The following SEPTIN11 variants were observed in gnomAD, a reference collection of about 807,000 sequenced individuals.
SEPTIN11 encodes septin 11, also known as septin-11.
A neutral mutation model predicts 51.4 loss-of-function variants in SEPTIN11; 25 were observed. The ratio of observed to expected loss-of-function variants is 0.49; its 90% CI spans 0.35 to 0.68. SEPTIN11 has a LOEUF of 0.68. SEPTIN11 is among the 30% of genes least tolerant of loss of function. SEPTIN11 has a pLI of 0.00. For synonymous variants in SEPTIN11, 174 were observed against 184.1 expected (o/e 0.95, Z 0.44); for missense variants, 381 against 520.8 (o/e 0.73, Z 2.61).
rs1156752921 is a variant in SEPTIN11 at position 76,984,283 on chromosome 4, G to C, written c.28-12142G>C. Among the ~76,000 whole-genome samples the C allele has an allele frequency of 6.6e-6, 1 of 151,990 alleles. No homozygotes were observed. The highest frequency in any genetic ancestry group is 1.5e-5 in the Non-Finnish European group (1 of 67,998). On this transcript the variant is annotated intron_variant, in intron 1 of 9. Coordinates refer to ENST00000264893, the MANE Select transcript of SEPTIN11 (RefSeq NM_018243.4). This position sits in a 1 kb window ranked among gnomAD's most constrained non-coding sequence, Gnocchi z 4.1. Reference sequence around the variant, plus strand: ...GGTTGTGACTAGGGGAAACAGCCCTGGTGCTTTTGTTCATGACTTGCTTGG... The same window carrying C: ...GGTTGTGACTAGGGGAAACAGCCCTCGTGCTTTTGTTCATGACTTGCTTGG...
At chr4:77,030,138 C>T (rs1164819144) in intron 8 of SEPTIN11, among the ~76,000 whole-genome samples, 1 of 152,004 alleles carries the variant, frequency 6.6e-6, no homozygotes, top group Non-Finnish European at 1.5e-5. Context: ...TGCCCATAAT[C>T]CCAGCTACTC....
At chr4:77,023,372 TATATAATATATACAC>T (rs945349796) in intron 7 of SEPTIN11, among the ~76,000 whole-genome samples, 2 of 147,574 alleles carry the variant, frequency 1.4e-5, no homozygotes, top group Non-Finnish European at 3.0e-5. Context: ...TATATAATAA[TATATAATATATACAC>T]ATATAATATA....
At chr4:76,951,311 A>T (rs576202081) in intron 1 of SEPTIN11, among the ~76,000 whole-genome samples, 17 of 152,368 alleles carry the variant, frequency 1.1e-4, no homozygotes, top group Admixed American at 3.3e-4. Context: ...CAGCGGTCAT[A>T]TCGAATCATG....
intron 1 of SEPTIN11, among the ~76,000 whole-genome samples, chr4:76,990,143 T>G (rs925921577): frequency 9.9e-5 from 15 of 152,166 alleles, no homozygotes; most frequent in Non-Finnish European, 2.2e-4. Context: ...CAGAGTGCCC[T>G]TTTTTCAATC....
rs547380193 is a variant in SEPTIN11, at chr4:77,027,010, A to G, written c.954-1619A>G. Among the ~76,000 whole-genome samples the G allele has an allele frequency of 6.2e-4, 94 of 152,358 alleles. 1 individual carries two copies. Among genetic ancestry groups the G allele is most frequent in the African/African-American group, 2.3e-3 (94 of 41,584 alleles). On this transcript the variant is annotated intron_variant, in intron 7 of 9. Transcript: ENST00000264893. ...ATAAGATAATGTGAAAGCGAAATGT[A>G]CCTCTGGAAACTCAAAACACTTGAT... is the stretch of plus-strand genomic sequence containing the variant.
chr4:76,970,681 A>G (rs1399486045), intron 1 of SEPTIN11, among the ~76,000 whole-genome samples: 2 of 152,226 alleles, frequency 1.3e-5, no homozygotes, highest in Middle Eastern at 3.2e-3. Flanking sequence ...TGCTCAGACC[A>G]TACTAGTTGG....
chr4:76,950,682 A>G (rs1021744910), intron 1 of SEPTIN11, among the ~76,000 whole-genome samples: 11 of 151,932 alleles, frequency 7.2e-5, no homozygotes, highest in Non-Finnish European at 1.5e-4. Context: ...GGGAGGAGAT[A>G]CCTTTGCCCC....
chr4:76,951,923 G>T (rs1414174356), intron 1 of SEPTIN11, among the ~76,000 whole-genome samples: 1 of 152,290 alleles, frequency 6.6e-6, no homozygotes, highest in Middle Eastern at 3.4e-3. Context: ...TACGTGCACA[G>T]AGGAAGTGAC....
At position 77,036,024 on chromosome 4, in the gene SEPTIN11, T is replaced by G. The variant is rs1726999505; in HGVS notation, c.*1512T>G. The G allele has an allele frequency of 1.0e-6, 1 of 985,844 alleles. No individual in the cohort carries two copies. The highest frequency in any genetic ancestry group is 1.7e-5 in the African/African-American group (1 of 57,256). The allele number at this position is 985,844 out of a possible 1,614,324, so 61.1% of individuals were successfully genotyped here. A position where few individuals can be genotyped will look rare whatever the true frequency, so the allele number is the denominator to read the frequency against. On this transcript the variant is annotated 3_prime_UTR_variant, in exon 10 of 10. Coordinates refer to ENST00000264893, the MANE Select transcript of SEPTIN11 (RefSeq NM_018243.4). ...TGCTGCGTCTCCCCTGACACACACT[T>G]TCTTTTTTGAATGAGCAAGTCTCCA...
chr4:76,970,486 G>T (rs1722195362), intron 1 of SEPTIN11, among the ~76,000 whole-genome samples: 2 of 152,158 alleles, frequency 1.3e-5, no homozygotes, highest in South Asian at 4.1e-4. Flanking sequence ...GCAGAACAAA[G>T]AATTTAACGA....
At chr4:76,996,021 G>A (rs1723691352) in intron 1 of SEPTIN11, 1 of 1,288,714 alleles carries the variant, frequency 7.8e-7, no homozygotes, top group Non-Finnish European at 1.1e-6. Context: ...ATCTGGAAGA[G>A]TGTTAAATAT....
intron 1 of SEPTIN11, among the ~76,000 whole-genome samples, chr4:76,978,329 C>CT (rs1177963100): frequency 8.5e-5 from 13 of 152,276 alleles, no homozygotes; most frequent in Admixed American, 7.2e-4. Flanking sequence ...GGAATAGGGC[C>CT]TGTGCACCAT....
intron 1 of SEPTIN11, among the ~76,000 whole-genome samples, chr4:76,995,384 AAATAAATAATAAAAATAAAAAT>A (rs1723636637): frequency 6.6e-6 from 1 of 151,964 alleles, no homozygotes; most frequent in Non-Finnish European, 1.5e-5. Flanking sequence ...CCATCTCAAA[AAATAAATAATAAAAATAAAAAT>A]AATAAATAAT....
chr4:76,956,754 A>G (rs896988549), intron 1 of SEPTIN11, among the ~76,000 whole-genome samples: 1 of 152,174 alleles, frequency 6.6e-6, no homozygotes, highest in East Asian at 1.9e-4. Flanking sequence ...ATCCTCCTGT[A>G]AAGAGTGGCT....
chr4:76,994,900 CTTTTTTTTTTT>C lies in SEPTIN11; in HGVS notation c.28-1507_28-1497del, dbSNP rs55728971. ...ATTGACTAAGTGATCCTGTACAAAG[CTTTTTTTTTTT>C]TTTTTTTTTTTTTTTTTAAATAAAA... On this transcript the variant is annotated intron_variant, in intron 1 of 9. Coordinates refer to ENST00000264893, the MANE Select transcript of SEPTIN11 (RefSeq NM_018243.4). Among the ~76,000 whole-genome samples, 178 of 54,890 alleles carry C rather than the reference CTTTTTTTTTTT, an allele frequency of 3.2e-3. 2 individuals are homozygous for C. Among genetic ancestry groups the C allele is most frequent in the Admixed American group, 5.5e-3 (18 of 3,300 alleles). The allele number at this position is 54,890 out of a possible 152,430, so 36.0% of individuals were successfully genotyped here. A position where few individuals can be genotyped will look rare whatever the true frequency, so the allele number is the denominator to read the frequency against.
rs747828120 is a variant in SEPTIN11, at chr4:76,949,762, C to A, written c.-142C>A. The A allele has an allele frequency of 7.1e-6, 6 of 841,196 alleles. No homozygotes were observed. The East Asian group carries it at 1.3e-4, about 18-fold the overall frequency. 52.1% of individuals were successfully genotyped at this position (841,196 alleles called of 1,614,324 possible). A position where few individuals can be genotyped will look rare whatever the true frequency, so the allele number is the denominator to read the frequency against. On this transcript the variant is annotated 5_prime_UTR_variant, in exon 1 of 10. Coordinates refer to ENST00000264893, the MANE Select transcript of SEPTIN11 (RefSeq NM_018243.4). ...GCGGCGGCGTGGGGGGAGCAGATGC[C>A]GCTGGCTGCCAGCGGGACGCCGGCG...
chr4:76,971,478 G>A (rs1722238534), intron 1 of SEPTIN11, among the ~76,000 whole-genome samples: 1 of 150,768 alleles, frequency 6.6e-6, no homozygotes, highest in African/African-American at 2.4e-5. Context: ...ATTGAGATTT[G>A]AGTACTAAAT....
chr4:77,031,251 A>C, intron 9 of SEPTIN11: 1 of 319,276 alleles, frequency 3.1e-6, no homozygotes, highest in Non-Finnish European at 5.6e-6. Context: ...AGGAGTCTCA[A>C]AGAAGACAGG....
intron 8 of SEPTIN11, 87 bp downstream of exon 8, chr4:77,028,848 C>A: frequency 1.4e-6 from 1 of 718,080 alleles, no homozygotes; most frequent in South Asian, 3.2e-5. Flanking sequence ...TCATGATGGT[C>A]CAAGTACTTT....
Sources: gnomAD v4.1 joint callset for allele counts (sites outside exome capture counted in the v4.1 genomes callset) on GRCh38, gnomAD v4.1.1 for gene constraint, Gnocchi (gnomAD v3.1) non-coding constraint, MANE v1.5 for transcripts, NCBI Gene and HGNC (gene_info 2026-07-23, HGNC 2026-07-21) for gene names.